GRID2: variants seen among roughly 807,000 people sequenced by gnomAD.
The protein encoded by GRID2 is glutamate ionotropic receptor delta type subunit 2.
In GRID2, 33 loss-of-function variants were observed where a neutral mutation model predicts 114.8. The ratio of observed to expected loss-of-function variants is 0.29; its 90% CI spans 0.22 to 0.38. The LOEUF (loss-of-function observed/expected upper bound fraction) is 0.38. Among genes scored for constraint, GRID2 ranks in the 10% least tolerant of loss-of-function variants. The pLI is 1.00. For synonymous variants in GRID2, 505 were observed against 449.9 expected (o/e 1.12, Z -1.55); for missense variants, 1,184 against 1,257.7 (o/e 0.94, Z 0.89).
chr4:93,424,403 A>G (rs536573710), intron 10 of GRID2, among the ~76,000 whole-genome samples: 1 of 152,174 alleles, frequency 6.6e-6, no homozygotes, highest in African/African-American at 2.4e-5. Context: ...GTTTACCTTG[A>G]AATGTCTTTT....
intron 1 of GRID2, among the ~76,000 whole-genome samples, chr4:92,554,081 G>A (rs1726732602): frequency 6.6e-6 from 1 of 152,160 alleles, no homozygotes; most frequent in African/African-American, 2.4e-5. Context: ...ACATAGGTAT[G>A]TATATATTGA....
At chr4:93,276,284 C>G (rs749866917) in intron 8 of GRID2, among the ~76,000 whole-genome samples, 1 of 151,914 alleles carries the variant, frequency 6.6e-6, no homozygotes, top group Non-Finnish European at 1.5e-5. Flanking sequence ...TATTTCTGAA[C>G]TCTTAATTCA....
At chr4:92,813,258 C>T (rs1205767470) in intron 2 of GRID2, among the ~76,000 whole-genome samples, 2 of 152,086 alleles carry the variant, frequency 1.3e-5, no homozygotes, top group Non-Finnish European at 2.9e-5. Flanking sequence ...TTATGTCTAA[C>T]AATTCTGAAG....
chr4:92,485,348 A>ATAGT (rs1457659903), intron 1 of GRID2, among the ~76,000 whole-genome samples: 9 of 49,508 alleles, frequency 1.8e-4, no homozygotes, highest in Non-Finnish European at 3.3e-4. Flanking sequence ...ATATATATAT[A>ATAGT]GTGTGTGTGT....
At chr4:92,534,685 T>G (rs1394535507) in intron 1 of GRID2, among the ~76,000 whole-genome samples, 3 of 152,280 alleles carry the variant, frequency 2.0e-5, no homozygotes, top group Non-Finnish European at 2.9e-5. Flanking sequence ...TCCAAAAGCT[T>G]CTGTCACAGT....
At chr4:93,764,938 C>T (rs1029145422) in intron 14 of GRID2, among the ~76,000 whole-genome samples, 4 of 150,826 alleles carry the variant, frequency 2.7e-5, no homozygotes, top group African/African-American at 9.9e-5. Flanking sequence ...TACATACGCG[C>T]ACACACACAC....
Position 93,629,006 on chromosome 4 carries a change from A to G in GRID2, c.2360+2571A>G, listed in dbSNP as rs539340198. Among the ~76,000 whole-genome samples, 5 of 152,178 alleles carry G rather than the reference A, an allele frequency of 3.3e-5. No individual in the cohort carries two copies. The East Asian group carries it at 7.7e-4, about 24-fold the overall frequency. On this transcript the variant is annotated intron_variant, in intron 14 of 15. Transcript: ENST00000282020. ...GGTCTTGAACTCCTGATATCAGGTG[A>G]TCCTCCCGCCTCAGCCTCCCAAAGT... is the stretch of plus-strand genomic sequence containing the variant.
chr4:92,466,439 A>G (rs922043753), intron 1 of GRID2, among the ~76,000 whole-genome samples: 1 of 151,816 alleles, frequency 6.6e-6, no homozygotes, highest in Non-Finnish European at 1.5e-5. Context: ...CATGACTTCA[A>G]TTGTTTTGAT....
intron 2 of GRID2, among the ~76,000 whole-genome samples, chr4:92,643,089 TG>T (rs1333489163): frequency 4.0e-5 from 6 of 151,854 alleles, no homozygotes; most frequent in African/African-American, 1.4e-4. Context: ...TGCTCTTTTT[TG>T]GTTCCATGTG....
At chr4:92,412,021 A>G (rs1450759605) in intron 1 of GRID2, among the ~76,000 whole-genome samples, 1 of 151,380 alleles carries the variant, frequency 6.6e-6, no homozygotes, top group Non-Finnish European at 1.5e-5. Context: ...TCTCCTTCAT[A>G]TTTTCAGATC....
At chr4:93,201,697 A>G (rs1418248223) in intron 4 of GRID2, among the ~76,000 whole-genome samples, 3 of 152,184 alleles carry the variant, frequency 2.0e-5, no homozygotes, top group Non-Finnish European at 4.4e-5. Context: ...ACTTGTAGGA[A>G]CTGTTCCACA....
chr4:93,802,077 G>A (rs1025437402), intron 1 of GRID2, among the ~76,000 whole-genome samples: 6 of 152,196 alleles, frequency 3.9e-5, no homozygotes, highest in African/African-American at 1.4e-4. Context: ...AGCTGTTTCA[G>A]ACCTGTATGC....
In GRID2 at chr4:92,976,299, AC is replaced by A. The variant is rs567674945; in HGVS notation, c.245-108693del. On this transcript the variant is annotated intron_variant, in intron 2 of 15. Transcript: ENST00000282020. Reference sequence around the variant, plus strand: ...AACAAATGATGCAGTGTGTAGAAATACCCACTACAAATTTAAATCATTTTCG... The same window carrying A: ...AACAAATGATGCAGTGTGTAGAAATACCACTACAAATTTAAATCATTTTCG... Among the ~76,000 whole-genome samples, 324 of 152,182 alleles carry A rather than the reference AC, an allele frequency of 2.1e-3. 5 individuals are homozygous for A. The highest frequency in any genetic ancestry group is 0.01 in the East Asian group (53 of 5,180).
intron 2 of GRID2, among the ~76,000 whole-genome samples, chr4:92,783,593 T>C (rs1305511027): frequency 6.6e-6 from 1 of 152,016 alleles, no homozygotes; most frequent in Non-Finnish European, 1.5e-5. Flanking sequence ...CTAAAACAAA[T>C]ACACAAAAGG....
chr4:93,345,946 G>C (rs937606489), intron 8 of GRID2, among the ~76,000 whole-genome samples: 1 of 151,996 alleles, frequency 6.6e-6, no homozygotes, highest in Non-Finnish European at 1.5e-5. Context: ...AAAAAAATCA[G>C]TGACTGTATA....
At chr4:92,528,299 G>GTA (rs70942904) in intron 1 of GRID2, among the ~76,000 whole-genome samples, 3,859 of 147,940 alleles carry the variant, frequency 0.026, 58 homozygotes, top group Middle Eastern at 0.065. Flanking sequence ...TATATTTTGA[G>GTA]TATATATATA....
intron 12 of GRID2, among the ~76,000 whole-genome samples, chr4:93,498,373 T>A (rs1727748606): frequency 6.6e-6 from 1 of 151,874 alleles, no homozygotes; most frequent in Non-Finnish European, 1.5e-5. Context: ...GAGCAGAGCC[T>A]TTATGGCCTG....
chr4:92,649,762 G>A (rs140001406), intron 2 of GRID2, among the ~76,000 whole-genome samples: 2 of 152,112 alleles, frequency 1.3e-5, no homozygotes, highest in Admixed American at 6.6e-5. Context: ...TTCCTCTGAA[G>A]TGGAGGTAAA....
chr4:92,614,911 A>C (rs1579688739), intron 2 of GRID2, among the ~76,000 whole-genome samples: 2 of 148,316 alleles, frequency 1.3e-5, no homozygotes, highest in Admixed American at 1.3e-4. Context: ...ATTATATTTT[A>C]CTGATGAATT....
Sources: gnomAD v4.1 joint callset for allele counts (sites outside exome capture counted in the v4.1 genomes callset) on GRCh38, gnomAD v4.1.1 for gene constraint, MANE v1.5 for transcripts, NCBI Gene and HGNC (gene_info 2026-07-23, HGNC 2026-07-21) for gene names.